The following BCAS4 variants were observed in gnomAD, a reference collection of about 807,000 sequenced individuals.
BCAS4 encodes breast carcinoma amplified sequence 4, also known as breast carcinoma-amplified sequence 4.
BCAS4 carries 9 observed loss-of-function variants against 15.7 expected under a neutral mutation model. That is an observed-to-expected ratio of 0.57 (90% CI 0.34 to 1.00). The LOEUF (loss-of-function observed/expected upper bound fraction) is 1.00. BCAS4 is among the 50% of genes least tolerant of loss of function. BCAS4 has a pLI of 0.02. For synonymous variants in BCAS4, 101 were observed against 99.5 expected, an observed-to-expected ratio of 1.02 and a Z score of -0.09; for missense variants, 225 against 239.1, an observed-to-expected ratio of 0.94 and a Z score of 0.39.
intron 4 of BCAS4, among the ~76,000 whole-genome samples, chr20:50,855,508 G>A (rs556161073): frequency 9.9e-5 from 15 of 151,422 alleles, no homozygotes; most frequent in East Asian, 7.8e-4. Flanking sequence ...ATCCCCCTTC[G>A]TGCCCCACCT....
At chr20:50,843,695 C>T (rs1191769406) in intron 4 of BCAS4, among the ~76,000 whole-genome samples, 1 of 152,234 alleles carries the variant, frequency 6.6e-6, no homozygotes, top group African/African-American at 2.4e-5. Flanking sequence ...AAGTTAAAGA[C>T]ATCTCCTGTG....
intron 4 of BCAS4, among the ~76,000 whole-genome samples, chr20:50,850,509 T>C (rs1319840653): frequency 1.3e-5 from 2 of 152,214 alleles, no homozygotes; most frequent in Non-Finnish European, 2.9e-5. Context: ...TCGGCCAGCG[T>C]GGTATATGGA....
intron 1 of BCAS4, among the ~76,000 whole-genome samples, chr20:50,807,598 G>A (rs536327256): frequency 2.0e-5 from 3 of 152,094 alleles, no homozygotes; most frequent in Admixed American, 6.6e-5. Flanking sequence ...AGATTTTGCC[G>A]CAGCACTCAT....
At position 50,839,434 on chromosome 20, in the gene BCAS4, T is replaced by A. The variant is rs191562609; in HGVS notation, c.265-2332T>A. 1.9e-3 allele frequency among the ~76,000 whole-genome samples: 282 copies of A among 152,356 alleles called. 2 individuals are homozygous for A. The highest frequency in any genetic ancestry group is 6.7e-3 in the African/African-American group (279 of 41,578). ...TTTTTCGTAAAATCTGAATGTCCTT[T>A]TTAAAATGATAGTGTCTGAGATTTG... On this transcript the variant is annotated intron_variant, in intron 3 of 4. Coordinates refer to ENST00000371608, the MANE Select transcript of BCAS4 (RefSeq NM_198799.4).
At chr20:50,818,679 G>A (rs2088172662) in intron 2 of BCAS4, among the ~76,000 whole-genome samples, 1 of 152,336 alleles carries the variant, frequency 6.6e-6, no homozygotes, top group South Asian at 2.1e-4. Flanking sequence ...CCAGGAAATG[G>A]CTTCAGGCCT....
In BCAS4 at chr20:50,876,498, C is replaced by A; in HGVS notation, c.412C>A (p.Pro138Thr). 1 of 1,613,736 alleles carries A rather than the reference C, an allele frequency of 6.2e-7. No homozygotes were observed. The highest frequency in any genetic ancestry group is 1.1e-5 in the South Asian group (1 of 91,026). ...CTTGTCATTCCAGAAGTCACCTGCA[C>A]CGGTGCCCGTGACGTACGAGCTGCC... ...LPSFRNKSPA[P>T]VPVTYELPTL... is the part of the protein sequence containing the mutation. Residue 138 changes from proline to threonine, a missense_variant, in exon 5 of 5, where the codon CCG (proline) becomes ACG (threonine). Transcript: ENST00000371608.
intron 3 of BCAS4, among the ~76,000 whole-genome samples, chr20:50,839,626 C>T (rs1291426808): frequency 6.6e-6 from 1 of 152,166 alleles, no homozygotes; most frequent in Non-Finnish European, 1.5e-5. Context: ...CCTTAGTCTC[C>T]CGAGTAGCTG....
intron 1 of BCAS4, among the ~76,000 whole-genome samples, chr20:50,803,940 G>C (rs190831994): frequency 6.6e-6 from 1 of 152,254 alleles, no homozygotes. Context: ...GCCTGGAAGT[G>C]ACCTGGTCTG....
intron 3 of BCAS4, among the ~76,000 whole-genome samples, chr20:50,837,608 C>G (rs1185502367): frequency 6.6e-6 from 1 of 152,196 alleles, no homozygotes; most frequent in Non-Finnish European, 1.5e-5. Flanking sequence ...GGTGGGCCCT[C>G]TCGCTCACCT....
intron 3 of BCAS4, among the ~76,000 whole-genome samples, chr20:50,832,277 A>G (rs1055111106): frequency 1.5e-4 from 22 of 147,132 alleles, no homozygotes; most frequent in African/African-American, 5.6e-4. Flanking sequence ...TTTTTTTTTT[A>G]GATGGAGTCT....
chr20:50,823,717 C>T lies in BCAS4; in HGVS notation c.162+5435C>T, dbSNP rs74998344. ...GCTTGACACAAGAATACATTCTGTGCGATTCCACTAGTCTGAAGTTCAGGA... is the reference window on the plus strand; with the variant it reads ...GCTTGACACAAGAATACATTCTGTGTGATTCCACTAGTCTGAAGTTCAGGA... On this transcript the variant is annotated intron_variant, in intron 2 of 4. Coordinates refer to ENST00000371608, the MANE Select transcript of BCAS4 (RefSeq NM_198799.4). Among the ~76,000 whole-genome samples the T allele has an allele frequency of 6.1e-3, 925 of 152,144 alleles. 12 individuals carry two copies. Among genetic ancestry groups the T allele is most frequent in the African/African-American group, 0.021 (874 of 41,498 alleles).
At chr20:50,810,424 C>T (rs2088045698) in intron 1 of BCAS4, among the ~76,000 whole-genome samples, 1 of 151,882 alleles carries the variant, frequency 6.6e-6, no homozygotes, top group South Asian at 2.1e-4. Context: ...AGTTGGAAGG[C>T]CAACTTTGAA....
intron 4 of BCAS4, among the ~76,000 whole-genome samples, chr20:50,856,795 T>C (rs1247271419): frequency 6.6e-6 from 1 of 152,216 alleles, no homozygotes; most frequent in Non-Finnish European, 1.5e-5. Context: ...TCTCACTCTC[T>C]GGCCAGCAGT....
chr20:50,870,993 AG>A (rs923367451), intron 4 of BCAS4, among the ~76,000 whole-genome samples: 1 of 150,824 alleles, frequency 6.6e-6, no homozygotes, highest in Non-Finnish European at 1.5e-5. Flanking sequence ...GCCCGGGAGG[AG>A]GGGGTGGGGA....
intron 4 of BCAS4, among the ~76,000 whole-genome samples, chr20:50,860,766 C>T (rs775519767): frequency 3.2e-4 from 49 of 152,164 alleles, no homozygotes; most frequent in Non-Finnish European, 6.3e-4. Flanking sequence ...ATCCCAGCTA[C>T]TCAGGAGGCT....
upstream of BCAS4, chr20:50,794,979 G>A: frequency 8.0e-7 from 1 of 1,248,128 alleles, no homozygotes; most frequent in Admixed American, 4.2e-5. Context: ...GCCTCCGCCA[G>A]GCGGTCCGCG....
intron 3 of BCAS4, among the ~76,000 whole-genome samples, chr20:50,839,239 GTA>G (rs1159993210): frequency 6.6e-6 from 1 of 152,238 alleles, no homozygotes. Flanking sequence ...CTTTAGCCAT[GTA>G]CACACGTGCA....
At position 50,819,521 on chromosome 20, in the gene BCAS4, C is replaced by T; in HGVS notation, c.162+1239C>T. Among the ~76,000 whole-genome samples the T allele has an allele frequency of 1.3e-5, 2 of 152,164 alleles. 1 individual carries two copies. Among genetic ancestry groups the T allele is most frequent in the Non-Finnish European group, 2.9e-5 (2 of 68,026 alleles). On this transcript the variant is annotated intron_variant, in intron 2 of 4. Coordinates refer to ENST00000371608, the MANE Select transcript of BCAS4 (RefSeq NM_198799.4). The stretch of plus-strand genomic sequence containing the variant: ...AACAGTAACAGCAGCCCCAGATGTT[C>T]ATTGAACGCCTTTCTTTGTGCCCGG...
chr20:50,795,029 G>C (rs2087833696), upstream of BCAS4: 2 of 1,420,988 alleles, frequency 1.4e-6, no homozygotes, highest in Admixed American at 2.5e-5. Context: ...CGAGGCCCGG[G>C]CGCAACCACG....
Sources: gnomAD v4.1 joint callset for allele counts (sites outside exome capture counted in the v4.1 genomes callset) on GRCh38, gnomAD v4.1.1 for gene constraint, MANE v1.5 for transcripts, NCBI Gene and HGNC (gene_info 2026-07-23, HGNC 2026-07-21) for gene names.